Variants in LRRC37A observed in about 807,000 individuals in gnomAD.
The protein encoded by LRRC37A is leucine rich repeat containing 37A.
In LRRC37A, 3 loss-of-function variants were observed where a neutral mutation model predicts 35.4. The observed-to-expected ratio is 0.08, with a 90% CI of 0.04 to 0.22. The LOEUF (loss-of-function observed/expected upper bound fraction) is 0.22. Among genes scored for constraint, LRRC37A ranks in the 10% least tolerant of loss-of-function variants. The pLI, the probability that LRRC37A is intolerant of heterozygous loss-of-function variation, is 1.00. For synonymous variants in LRRC37A, 23 were observed against 215.0 expected, an observed-to-expected ratio of 0.11 and a Z score of 7.81; for missense variants, 67 against 565.3, an observed-to-expected ratio of 0.12 and a Z score of 8.94.
At chr17:46,288,378 G>A (rs2469920), upstream of LRRC37A, among the ~76,000 whole-genome samples, 18,280 of 145,628 alleles carry the variant, frequency 0.13, no homozygotes, top group Middle Eastern at 0.19. Context: ...GCATGATCTC[G>A]GCTCACTGCA....
the LRRC37A span, among the ~76,000 whole-genome samples, chr17:46,262,234 G>GCCA: frequency 4.6e-3 from 706 of 152,240 alleles, 6 homozygotes; most frequent in Admixed American, 0.018. Flanking sequence ...ACAGGCATGA[G>GCCA]CCACTGCACC....
chr17:46,273,486 G>A, the LRRC37A span, among the ~76,000 whole-genome samples: 1 of 152,208 alleles, frequency 6.6e-6, no homozygotes, highest in Non-Finnish European at 1.5e-5. Context: ...GGGAACTGTA[G>A]CAACATCTTT....
chr17:46,254,960 C>T, the LRRC37A span, among the ~76,000 whole-genome samples: 7 of 152,022 alleles, frequency 4.6e-5, no homozygotes, highest in Non-Finnish European at 8.8e-5. Flanking sequence ...CTTAGCCTCC[C>T]AAGTAGCTGG....
At chr17:46,256,227 A>G in the LRRC37A span, among the ~76,000 whole-genome samples, 1 of 152,060 alleles carries the variant, frequency 6.6e-6, no homozygotes, top group South Asian at 2.1e-4. Context: ...TCTACTAAAA[A>G]TACAAAAATT....
chr17:46,277,725 C>T, the LRRC37A span, among the ~76,000 whole-genome samples: 1 of 151,904 alleles, frequency 6.6e-6, no homozygotes, highest in Non-Finnish European at 1.5e-5. Context: ...CAGCTCACTG[C>T]AACCTCCTCC....
intron 11 of LRRC37A, among the ~76,000 whole-genome samples, chr17:46,336,300 C>A: frequency 5.4e-5 from 1 of 18,642 alleles, no homozygotes; most frequent in Non-Finnish European, 2.8e-4. Flanking sequence ...GAATTTTAAC[C>A]AGAAAGGCCA....
At chr17:46,291,985 A>AAAAAAAAAAAAAAC (rs1360524355), upstream of LRRC37A, among the ~76,000 whole-genome samples, 106 of 76,570 alleles carry the variant, frequency 1.4e-3, 5 homozygotes, top group Non-Finnish European at 1.8e-3. Flanking sequence ...AAAAAAAAAA[A>AAAAAAAAAAAAAAC]AAGCCAATAA....
the LRRC37A span, among the ~76,000 whole-genome samples, chr17:46,256,482 C>G: frequency 6.6e-6 from 1 of 152,292 alleles, no homozygotes; most frequent in African/African-American, 2.4e-5. Flanking sequence ...AAGAAGGCAG[C>G]CATCTGCAAG....
chr17:46,287,756 A>C (rs76529920), upstream of LRRC37A, among the ~76,000 whole-genome samples: 1 of 151,910 alleles, frequency 6.6e-6, no homozygotes, highest in African/African-American at 2.4e-5. Context: ...AAGGATGCAA[A>C]GATAGTTATC....
chr17:46,323,785 T>A (rs1422171253), intron 7 of LRRC37A, among the ~76,000 whole-genome samples: 6 of 103,078 alleles, frequency 5.8e-5, no homozygotes, highest in Non-Finnish European at 1.1e-4. Flanking sequence ...TGCAGGTTCC[T>A]CATCCATAGA....
chr17:46,248,762 C>T, the LRRC37A span, among the ~76,000 whole-genome samples: 2 of 151,940 alleles, frequency 1.3e-5, no homozygotes, highest in Non-Finnish European at 2.9e-5. Context: ...TCAAGTGATC[C>T]GCCCGCCTTG....
upstream of LRRC37A, among the ~76,000 whole-genome samples, chr17:46,290,097 TGACAAAGTGA>T (rs2050024688): frequency 6.7e-6 from 1 of 148,924 alleles, no homozygotes; most frequent in South Asian, 2.1e-4. Context: ...GCAATGTAGA[TGACAAAGTGA>T]GACCCTGTCT....
the LRRC37A span, among the ~76,000 whole-genome samples, chr17:46,263,450 C>T: frequency 6.7e-6 from 1 of 149,360 alleles, no homozygotes; most frequent in African/African-American, 2.5e-5. Flanking sequence ...ACTTGAGAGG[C>T]TGAGACAGGA....
the LRRC37A span, among the ~76,000 whole-genome samples, chr17:46,286,133 G>A: frequency 6.6e-6 from 1 of 152,252 alleles, no homozygotes; most frequent in Admixed American, 6.5e-5. Context: ...AAACAGATGG[G>A]ATGATGTTAC....
the LRRC37A span, among the ~76,000 whole-genome samples, chr17:46,264,244 G>A: frequency 6.6e-6 from 1 of 150,678 alleles, no homozygotes; most frequent in East Asian, 2.0e-4. Flanking sequence ...AATTACATGT[G>A]TGAGCCACTG....
upstream of LRRC37A, among the ~76,000 whole-genome samples, chr17:46,291,969 C>CAAAAAAAAAAAAAAAAAAAAAAAAAAAAA (rs59554870): frequency 1.7e-5 from 1 of 58,090 alleles, no homozygotes; most frequent in African/African-American, 7.2e-5. Flanking sequence ...TCTCAAAAAG[C>CAAAAAAAAAAAAAAAAAAAAAAAAAAAAA]AAAAAAAAAA....
the LRRC37A span, among the ~76,000 whole-genome samples, chr17:46,261,413 G>T: frequency 1.3e-5 from 2 of 152,014 alleles, no homozygotes; most frequent in African/African-American, 4.8e-5. Flanking sequence ...AACTATATTT[G>T]TAATTTTTTT....
At chr17:46,267,418 C>T in the LRRC37A span, 5 of 1,612,152 alleles carry the variant, frequency 3.1e-6, no homozygotes, top group African/African-American at 1.3e-5. Context: ...CAAGATGAAC[C>T]GCCTGTACCT....
chr17:46,267,920 A>G, the LRRC37A span, among the ~76,000 whole-genome samples: 18,320 of 87,990 alleles, frequency 0.21, 217 homozygotes, highest in Middle Eastern at 0.33. Flanking sequence ...TTTTTTTTTT[A>G]GACAGAGTCT....
Sources: allele counts gnomAD v4.1 joint callset (sites outside exome capture counted in the v4.1 genomes callset), GRCh38; gene constraint gnomAD v4.1.1; transcripts MANE v1.5; gene names NCBI Gene and HGNC (gene_info 2026-07-23, HGNC 2026-07-21).